Variants in ADAMTSL1 observed in about 807,000 individuals in gnomAD.
The protein encoded by ADAMTSL1 is ADAMTS-like protein 1.
In ADAMTSL1, 126 loss-of-function variants were observed where a neutral mutation model predicts 201.8. The observed-to-expected ratio is 0.62, with a 90% CI of 0.54 to 0.72. The LOEUF (loss-of-function observed/expected upper bound fraction) is 0.72, where lower values mean the gene tolerates loss of function less well. Among genes scored for constraint, ADAMTSL1 ranks in the 30% least tolerant of loss-of-function variants. The pLI is 0.00. For missense variants in ADAMTSL1, 2,679 were observed against 2,277.8 expected, an observed-to-expected ratio of 1.18 and a Z score of -3.59; for synonymous variants, 1,121 against 903.4, an observed-to-expected ratio of 1.24 and a Z score of -4.32.
At chr9:18,115,330 C>T (rs1359342824) in intron 1 of ADAMTSL1, among the ~76,000 whole-genome samples, 1 of 152,094 alleles carries the variant, frequency 6.6e-6, no homozygotes, top group Admixed American at 6.6e-5. Flanking sequence ...ATGCTGCAGG[C>T]AATTTCTGGA....
At chr9:18,069,175 A>G (rs1822841181) in intron 1 of ADAMTSL1, among the ~76,000 whole-genome samples, 1 of 152,196 alleles carries the variant, frequency 6.6e-6, no homozygotes, top group Non-Finnish European at 1.5e-5. Flanking sequence ...TTTAAGTGTA[A>G]CATACACACC....
intron 2 of ADAMTSL1, among the ~76,000 whole-genome samples, chr9:18,360,077 T>A (rs778859722): frequency 6.6e-6 from 1 of 152,068 alleles, no homozygotes; most frequent in Non-Finnish European, 1.5e-5. Context: ...TTATTGCTGT[T>A]GCTCACAGTG....
intron 4 of ADAMTSL1, among the ~76,000 whole-genome samples, chr9:18,621,780 G>T (rs903559581): frequency 2.0e-5 from 3 of 152,086 alleles, no homozygotes; most frequent in African/African-American, 4.8e-5. Flanking sequence ...CCACCCTTAC[G>T]CAGCATACGT....
intron 4 of ADAMTSL1, among the ~76,000 whole-genome samples, chr9:18,582,219 A>G (rs1419949466): frequency 1.3e-5 from 2 of 152,182 alleles, no homozygotes; most frequent in Non-Finnish European, 2.9e-5. Flanking sequence ...ATAAGCTGAA[A>G]ATGTTTCAAA....
chr9:17,928,984 T>G (rs1349158567), intron 1 of ADAMTSL1, among the ~76,000 whole-genome samples: 4 of 152,100 alleles, frequency 2.6e-5, no homozygotes, highest in African/African-American at 9.7e-5. Flanking sequence ...TTATGTAGAC[T>G]TCCTGAGTGC....
chr9:18,535,999 A>G (rs1468880414), intron 3 of ADAMTSL1, among the ~76,000 whole-genome samples: 3 of 152,152 alleles, frequency 2.0e-5, no homozygotes, highest in East Asian at 1.9e-4. Flanking sequence ...ATAGCACTCC[A>G]TGAGCCAAAA....
chr9:17,968,778 A>T (rs1391188099), intron 1 of ADAMTSL1, among the ~76,000 whole-genome samples: 1 of 152,086 alleles, frequency 6.6e-6, no homozygotes, highest in African/African-American at 2.4e-5. Context: ...AGTTATTTTT[A>T]AAAGGTCTTT....
At chr9:18,784,672 G>A (rs968405246) in intron 19 of ADAMTSL1, among the ~76,000 whole-genome samples, 10 of 152,126 alleles carry the variant, frequency 6.6e-5, no homozygotes, top group African/African-American at 1.4e-4. Context: ...ATCACATCCC[G>A]TCTCCCACCA....
intron 2 of ADAMTSL1, among the ~76,000 whole-genome samples, chr9:18,261,744 C>A (rs903078499): frequency 6.6e-6 from 1 of 152,124 alleles, no homozygotes; most frequent in Non-Finnish European, 1.5e-5. Context: ...TGCTAACAGA[C>A]CTTGTATTTA....
chr9:18,577,828 C>A (rs543169056), intron 4 of ADAMTSL1, among the ~76,000 whole-genome samples: 22 of 151,972 alleles, frequency 1.4e-4, no homozygotes, highest in Admixed American at 6.5e-4. Context: ...TTAAAAAAAA[C>A]AAAAAGAGAC....
chr9:18,747,103 C>G (rs1191122106), intron 15 of ADAMTSL1, among the ~76,000 whole-genome samples: 3 of 152,156 alleles, frequency 2.0e-5, no homozygotes, highest in Non-Finnish European at 2.9e-5. Context: ...ATTTGCCACT[C>G]AGGTCTATTA....
chr9:17,936,600 C>A (rs914120756), intron 1 of ADAMTSL1, among the ~76,000 whole-genome samples: 1 of 152,182 alleles, frequency 6.6e-6, no homozygotes, highest in Non-Finnish European at 1.5e-5. Context: ...GCCATAAATA[C>A]CTGCTGGATT....
At chr9:18,222,228 T>C (rs1414697202) in intron 2 of ADAMTSL1, among the ~76,000 whole-genome samples, 1 of 151,970 alleles carries the variant, frequency 6.6e-6, no homozygotes, top group Non-Finnish European at 1.5e-5. Flanking sequence ...TTTTTCTCAA[T>C]CCAGTCTGAT....
intron 2 of ADAMTSL1, among the ~76,000 whole-genome samples, chr9:18,207,497 C>T (rs1161672566): frequency 1.3e-5 from 2 of 152,158 alleles, no homozygotes; most frequent in African/African-American, 4.8e-5. Context: ...TTAGGTACAA[C>T]TCATTTTAAC....
chr9:18,296,962 A>G (rs1833501798), intron 2 of ADAMTSL1, among the ~76,000 whole-genome samples: 1 of 152,200 alleles, frequency 6.6e-6, no homozygotes, highest in Non-Finnish European at 1.5e-5. Context: ...TTAAAAGAAA[A>G]CATCCCAGAA....
At chr9:18,573,565 G>T (rs1028726862) in intron 3 of ADAMTSL1, among the ~76,000 whole-genome samples, 1 of 152,246 alleles carries the variant, frequency 6.6e-6, no homozygotes, top group African/African-American at 2.4e-5. Flanking sequence ...CTTTTTGAAT[G>T]AAATTTTTAT....
intron 2 of ADAMTSL1, among the ~76,000 whole-genome samples, chr9:18,401,223 G>T (rs191660520): frequency 1.3e-5 from 2 of 152,314 alleles, no homozygotes; most frequent in Non-Finnish European, 2.9e-5. Flanking sequence ...GGAGTCTGAA[G>T]CTTTCAGTTC....
chr9:18,658,158 T>A (rs1272209970), intron 8 of ADAMTSL1, among the ~76,000 whole-genome samples: 4 of 152,280 alleles, frequency 2.6e-5, no homozygotes, highest in Middle Eastern at 3.4e-3. Context: ...GTATTTTTAG[T>A]ACGGACGGGG....
rs116328228 is a variant in ADAMTSL1, at chr9:18,614,313, G to A, written c.475-7930G>A. ...CTTCATTGCCATCTAAACCTCAAGGGGAACATGGTATCTTATAGACTAGAG... is the reference window on the plus strand; with the variant it reads ...CTTCATTGCCATCTAAACCTCAAGGAGAACATGGTATCTTATAGACTAGAG... On this transcript the variant is annotated intron_variant, in intron 4 of 28. Coordinates refer to ENST00000380548, the MANE Select transcript of ADAMTSL1 (RefSeq NM_001040272.6). Among the ~76,000 whole-genome samples the A allele has an allele frequency of 9.3e-3, 1,421 of 152,182 alleles. 17 individuals carry two copies. Among genetic ancestry groups the A allele is most frequent in the African/African-American group, 0.033 (1,371 of 41,538 alleles).
Sources: gnomAD v4.1 joint callset for allele counts (sites outside exome capture counted in the v4.1 genomes callset) on GRCh38, gnomAD v4.1.1 for gene constraint, MANE v1.5 for transcripts, NCBI Gene and HGNC (gene_info 2026-07-23, HGNC 2026-07-21) for gene names.